The following PPP1R9A variants were observed in gnomAD, a reference collection of about 807,000 sequenced individuals.
The protein encoded by PPP1R9A is neurabin-1.
PPP1R9A carries 59 observed loss-of-function variants against 141.9 expected under a neutral mutation model. The observed-to-expected ratio is 0.42, with a 90% CI of 0.34 to 0.52. The LOEUF is 0.52. Ranked by LOEUF, PPP1R9A falls within the 20% of genes least tolerant of loss-of-function variation. The pLI, the probability that PPP1R9A is intolerant of heterozygous loss-of-function variation, is 0.10. For synonymous variants in PPP1R9A, 500 were observed against 569.7 expected, an observed-to-expected ratio of 0.88 and a Z score of 1.74; for missense variants, 1,444 against 1,611.9, an observed-to-expected ratio of 0.90 and a Z score of 1.78.
chr7:95,274,495 T>A (rs950136937), intron 16 of PPP1R9A, among the ~76,000 whole-genome samples: 3 of 152,242 alleles, frequency 2.0e-5, no homozygotes, highest in Non-Finnish European at 2.9e-5. Context: ...TTCAGATTTT[T>A]TGCCTGGCTA....
chr7:95,169,853 A>G (rs923861243), intron 5 of PPP1R9A, among the ~76,000 whole-genome samples: 1 of 151,886 alleles, frequency 6.6e-6, no homozygotes, highest in Non-Finnish European at 1.5e-5. Context: ...CATGCAGTCA[A>G]CAATTTCTGG....
intron 4 of PPP1R9A, among the ~76,000 whole-genome samples, chr7:95,143,166 A>T (rs1827006976): frequency 6.6e-6 from 1 of 152,122 alleles, no homozygotes; most frequent in Non-Finnish European, 1.5e-5. Flanking sequence ...TCCAATGTAC[A>T]GCTCTGGACC....
chr7:94,998,305 A>G (rs963298719), intron 2 of PPP1R9A, among the ~76,000 whole-genome samples: 1 of 152,174 alleles, frequency 6.6e-6, no homozygotes, highest in African/African-American at 2.4e-5. Flanking sequence ...GCAATCTGGT[A>G]CTCCCAAAAA....
intron 4 of PPP1R9A, among the ~76,000 whole-genome samples, chr7:95,157,973 C>G (rs1829894259): frequency 6.6e-6 from 1 of 152,112 alleles, no homozygotes; most frequent in Non-Finnish European, 1.5e-5. Context: ...TAAATAAACC[C>G]AAAACTAATT....
chr7:95,154,481 G>A (rs557747114), intron 4 of PPP1R9A, among the ~76,000 whole-genome samples: 4 of 152,110 alleles, frequency 2.6e-5, no homozygotes, highest in Admixed American at 1.3e-4. Context: ...ATTTAGATTC[G>A]TAAATTAAAA....
chr7:94,953,945 C>A (rs1304231333), intron 2 of PPP1R9A, among the ~76,000 whole-genome samples: 3 of 152,002 alleles, frequency 2.0e-5, no homozygotes, highest in Admixed American at 6.6e-5. Context: ...TTTGAAGACC[C>A]TTTATTTCTT....
intron 8 of PPP1R9A, among the ~76,000 whole-genome samples, chr7:95,238,584 C>A (rs1414254867): frequency 1.3e-5 from 2 of 152,120 alleles, no homozygotes; most frequent in African/African-American, 4.8e-5. Context: ...ATGAATAAGA[C>A]CCTGAAGCCC....
At chr7:95,265,614 C>T (rs1801177776) in intron 12 of PPP1R9A, among the ~76,000 whole-genome samples, 2 of 152,144 alleles carry the variant, frequency 1.3e-5, no homozygotes, top group African/African-American at 4.8e-5. Flanking sequence ...TTGGTAGGTG[C>T]TTCTTGTGGA....
At chr7:94,977,159 G>A (rs866814395) in intron 2 of PPP1R9A, among the ~76,000 whole-genome samples, 2 of 152,172 alleles carry the variant, frequency 1.3e-5, no homozygotes, top group Non-Finnish European at 1.5e-5. Flanking sequence ...TAAACTTGAG[G>A]TGCCTGTTAG....
In PPP1R9A at chr7:94,968,646, A is replaced by G. The variant is rs150004643; in HGVS notation, c.1395+57138A>G. ...CACCGATGAGTCTTGACTCCATCCA[A>G]TTTGCCAGTCTGTGTCTTTTAATTG... On this transcript the variant is annotated intron_variant, in intron 2 of 19. Coordinates refer to ENST00000433360, the MANE Select transcript of PPP1R9A (RefSeq NM_001166160.2). Among the ~76,000 whole-genome samples the G allele has an allele frequency of 6.5e-3, 984 of 152,238 alleles. 7 individuals carry two copies. The highest frequency in any genetic ancestry group is 0.011 in the Non-Finnish European group (770 of 68,004).
intron 2 of PPP1R9A, among the ~76,000 whole-genome samples, chr7:95,022,545 T>C (rs1232973931): frequency 6.6e-6 from 1 of 152,196 alleles, no homozygotes; most frequent in Admixed American, 6.5e-5. Context: ...GAGGGCATCT[T>C]TGTCTTGTGC....
At chr7:95,024,880 T>C (rs1305609061) in intron 2 of PPP1R9A, among the ~76,000 whole-genome samples, 1 of 152,160 alleles carries the variant, frequency 6.6e-6, no homozygotes, top group Non-Finnish European at 1.5e-5. Context: ...GTCAATAGGC[T>C]TTGTAATTTG....
At chr7:94,988,537 G>A (rs904980850) in intron 2 of PPP1R9A, among the ~76,000 whole-genome samples, 44 of 152,070 alleles carry the variant, frequency 2.9e-4, no homozygotes, top group African/African-American at 1.0e-3. Flanking sequence ...TGAAAACTAG[G>A]CTAAATAATT....
chr7:94,928,852 A>G (rs1793802404), intron 2 of PPP1R9A, among the ~76,000 whole-genome samples: 1 of 152,204 alleles, frequency 6.6e-6, no homozygotes, highest in South Asian at 2.1e-4. Flanking sequence ...CTTTCAACAA[A>G]TATCTAAAAA....
intron 18 of PPP1R9A, among the ~76,000 whole-genome samples, chr7:95,286,944 C>T (rs950804583): frequency 6.6e-6 from 1 of 152,046 alleles, no homozygotes; most frequent in South Asian, 2.1e-4. Flanking sequence ...TTCTTTCTAA[C>T]ATGATTTTTT....
At chr7:95,103,362 CTTT>C (rs897838647) in intron 2 of PPP1R9A, among the ~76,000 whole-genome samples, 10 of 88,816 alleles carry the variant, frequency 1.1e-4, no homozygotes, top group Non-Finnish European at 1.6e-4. Context: ...TTTTTCACTT[CTTT>C]TTTTTTTTTT....
At chr7:94,966,395 G>C (rs1447415431) in intron 2 of PPP1R9A, among the ~76,000 whole-genome samples, 1 of 152,034 alleles carries the variant, frequency 6.6e-6, no homozygotes, top group East Asian at 1.9e-4. Flanking sequence ...GTCTTGTGCT[G>C]GTTTTCAAAG....
chr7:95,235,701 T>G, intron 8 of PPP1R9A, among the ~76,000 whole-genome samples: 1 of 152,190 alleles, frequency 6.6e-6, no homozygotes, highest in Middle Eastern at 3.2e-3. Flanking sequence ...ACATACATTT[T>G]TATAGCAGTA....
At chr7:95,179,039 C>CAGATGCCTGGT (rs1344174721) in intron 5 of PPP1R9A, among the ~76,000 whole-genome samples, 2 of 151,982 alleles carry the variant, frequency 1.3e-5, no homozygotes, top group Non-Finnish European at 2.9e-5. Context: ...CCGGCATCAC[C>CAGATGCCTGGT]CTAATATCAA....
Sources: gnomAD v4.1 joint callset for allele counts (sites outside exome capture counted in the v4.1 genomes callset) on GRCh38, gnomAD v4.1.1 for gene constraint, MANE v1.5 for transcripts, NCBI Gene and HGNC (gene_info 2026-07-23, HGNC 2026-07-21) for gene names.